Variants in RAD54B observed in about 807,000 individuals in gnomAD.
RAD54B encodes DNA repair and recombination protein RAD54B.
In RAD54B, 78 loss-of-function variants were observed where a neutral mutation model predicts 95.8. The ratio of observed to expected loss-of-function variants is 0.81; its 90% CI spans 0.68 to 0.98. The LOEUF is 0.98. Among genes scored for constraint, RAD54B ranks in the 50% least tolerant of loss-of-function variants. The pLI is 0.00. For missense variants in RAD54B, 957 were observed against 1,056.6 expected, an observed-to-expected ratio of 0.91 and a Z score of 1.31; for synonymous variants, 328 against 354.9, an observed-to-expected ratio of 0.92 and a Z score of 0.85.
Position 94,380,350 on chromosome 8 carries a change from T to A in RAD54B, c.2042A>T (p.Lys681Met). ...QTLNILQEVC[K>M]RHGYAYTRLD... ...TCTTGTATAAGCATATCCATGACGC[T>A]TACATACTTCTTGTAAAATGTTCAA... is the stretch of plus-strand genomic sequence containing the variant. Residue 681 changes from lysine (K) to methionine (M), a missense_variant, in exon 12 of 15, where the codon AAG (lysine) becomes ATG (methionine). Lys to Met is a moderately conservative substitution (Grantham distance 95). Coordinates refer to ENST00000336148, the MANE Select transcript of RAD54B (RefSeq NM_012415.3). 3 of 1,613,922 alleles carry A rather than the reference T, an allele frequency of 1.9e-6. No homozygotes were observed.
intron 6 of RAD54B, 51 bp from the exon 7 acceptor site, chr8:94,400,514 G>T: frequency 7.0e-7 from 1 of 1,428,536 alleles, no homozygotes; most frequent in Non-Finnish European, 9.5e-7. Context: ...AATATTTTAT[G>T]CTCTTAAAAT....
chr8:94,387,380 T>C (rs559421086), intron 10 of RAD54B: 2 of 375,790 alleles, frequency 5.3e-6, no homozygotes, highest in South Asian at 8.6e-5. Context: ...CGCAGTCTCA[T>C]GCCTGCTACC....
intron 4 of RAD54B, among the ~76,000 whole-genome samples, chr8:94,410,640 G>A (rs1363818230): frequency 1.3e-5 from 2 of 152,084 alleles, no homozygotes; most frequent in African/African-American, 4.8e-5. Context: ...AGAAACAATG[G>A]CAACCTCCAA....
At chr8:94,412,425 T>A (rs992095019) in intron 3 of RAD54B, among the ~76,000 whole-genome samples, 1 of 152,080 alleles carries the variant, frequency 6.6e-6, no homozygotes, top group African/African-American at 2.4e-5. Context: ...TCATATGATA[T>A]GTTACTTTTT....
At chr8:94,472,192 C>T (rs1292968653) in intron 1 of RAD54B, among the ~76,000 whole-genome samples, 2 of 152,080 alleles carry the variant, frequency 1.3e-5, no homozygotes, top group Admixed American at 1.3e-4. Flanking sequence ...TTTTTGACTG[C>T]TTTAGAAGCA....
In RAD54B at chr8:94,372,156, GA is replaced by G; in HGVS notation, c.*13del. The G allele has an allele frequency of 6.3e-7, 1 of 1,584,528 alleles. No homozygotes were observed. The highest frequency in any genetic ancestry group is 8.5e-7 in the Non-Finnish European group (1 of 1,171,490). ...TCAAAAGAAGAGCAATGGAATGTCA[GA>G]AGTAATCTTTCACTATGTGCCAGTA... On this transcript the variant is annotated 3_prime_UTR_variant, in exon 15 of 15. Coordinates refer to ENST00000336148, the MANE Select transcript of RAD54B (RefSeq NM_012415.3).
chr8:94,388,166 C>T (rs1052880743), intron 10 of RAD54B, among the ~76,000 whole-genome samples: 6 of 152,226 alleles, frequency 3.9e-5, no homozygotes, highest in Admixed American at 2.0e-4. Context: ...GTTTGAACTA[C>T]GCAAGTCTAC....
chr8:94,443,724 T>G (rs1812454511), intron 3 of RAD54B, among the ~76,000 whole-genome samples: 1 of 151,894 alleles, frequency 6.6e-6, no homozygotes, highest in African/African-American at 2.4e-5. Context: ...TTGCTCTTTA[T>G]TCTTCAATAC....
chr8:94,403,812 ATACTT>A (rs1204741670), intron 6 of RAD54B, among the ~76,000 whole-genome samples: 3 of 152,124 alleles, frequency 2.0e-5, no homozygotes, highest in African/African-American at 7.2e-5. Context: ...GTTTACTCAA[ATACTT>A]TAAAAGCCAC....
At chr8:94,397,358 T>C (rs1301841175) in intron 8 of RAD54B, among the ~76,000 whole-genome samples, 5 of 152,138 alleles carry the variant, frequency 3.3e-5, no homozygotes, top group Admixed American at 2.0e-4. Context: ...ACTATGAGTA[T>C]TTCTAAATTA....
chr8:94,384,221 C>G (rs1219792907), intron 11 of RAD54B, among the ~76,000 whole-genome samples: 2 of 151,894 alleles, frequency 1.3e-5, no homozygotes, highest in African/African-American at 4.8e-5. Context: ...ACATTATTCA[C>G]AAGAGCCAAA....
At chr8:94,434,647 GATT>G (rs944862987) in intron 3 of RAD54B, among the ~76,000 whole-genome samples, 3 of 151,380 alleles carry the variant, frequency 2.0e-5, no homozygotes, top group African/African-American at 7.3e-5. Flanking sequence ...AAACTTCTGA[GATT>G]ATTAAGATTC....
chr8:94,447,788 G>A (rs1459709790), intron 3 of RAD54B, among the ~76,000 whole-genome samples: 1 of 152,190 alleles, frequency 6.6e-6, no homozygotes, highest in African/African-American at 2.4e-5. Context: ...TAGTTGCTGG[G>A]ATCCATCATT....
chr8:94,396,315 C>G (rs1263132469), intron 8 of RAD54B, among the ~76,000 whole-genome samples: 1 of 150,658 alleles, frequency 6.6e-6, no homozygotes, highest in Non-Finnish European at 1.5e-5. Context: ...AGACTATTTT[C>G]AAGAGTATGG....
intron 11 of RAD54B, among the ~76,000 whole-genome samples, chr8:94,381,109 G>A (rs1278601441): frequency 6.9e-6 from 1 of 143,976 alleles, no homozygotes; most frequent in Non-Finnish European, 1.6e-5. Flanking sequence ...CTGGACAATA[G>A]AGCAAGGCCC....
intron 6 of RAD54B, among the ~76,000 whole-genome samples, chr8:94,402,850 T>C (rs559948939): frequency 1.3e-5 from 2 of 152,310 alleles, no homozygotes; most frequent in African/African-American, 4.8e-5. Context: ...ATATGATATT[T>C]TTATGACATC....
At chr8:94,411,888 ATTTTT>A (rs1811538425) in intron 3 of RAD54B, among the ~76,000 whole-genome samples, 1 of 152,102 alleles carries the variant, frequency 6.6e-6, no homozygotes, top group Non-Finnish European at 1.5e-5. Context: ...TGGTGAAAAC[ATTTTT>A]TAAAATGCTA....
intron 14 of RAD54B, among the ~76,000 whole-genome samples, chr8:94,374,837 C>CA (rs1479800018): frequency 6.6e-6 from 1 of 152,008 alleles, no homozygotes; most frequent in African/African-American, 2.4e-5. Context: ...ATATATCTAA[C>CA]AAAAAATTAG....
At chr8:94,391,459 A>T in intron 10 of RAD54B, 150 bp downstream of exon 10, 1 of 675,728 alleles carries the variant, frequency 1.5e-6, no homozygotes, top group South Asian at 3.1e-5. Context: ...AGGCTGGATA[A>T]GCTCTACAGC....
Sources: gnomAD v4.1 joint callset for allele counts (sites outside exome capture counted in the v4.1 genomes callset) on GRCh38, gnomAD v4.1.1 for gene constraint, MANE v1.5 for transcripts, NCBI Gene and HGNC (gene_info 2026-07-23, HGNC 2026-07-21) for gene names.